CLTC: variants seen among roughly 807,000 people sequenced by gnomAD.
CLTC encodes clathrin heavy chain 1.
CLTC carries 16 observed loss-of-function variants against 195.8 expected under a neutral mutation model. The ratio of observed to expected loss-of-function variants is 0.08; its 90% CI spans 0.06 to 0.12. The LOEUF is 0.12. CLTC is among the 10% of genes least tolerant of loss of function. The probability of loss-of-function intolerance (pLI) is 1.00; values close to 1 mark genes in which losing one functional copy is unlikely to be tolerated. For missense variants in CLTC, 796 were observed against 2,027.0 expected, an observed-to-expected ratio of 0.39 and a Z score of 11.66; for synonymous variants, 667 against 689.4, an observed-to-expected ratio of 0.97 and a Z score of 0.51.
At chr17:59,690,504 G>T (rs1205449519) in intron 30 of CLTC, 132 bp from the exon 31 acceptor site, 1 of 603,580 alleles carries the variant, frequency 1.7e-6, no homozygotes. Context: ...ATTTGAGGGG[G>T]ACTGAGAATG....
intron 8 of CLTC, 132 bp downstream of exon 8, chr17:59,661,775 A>C (rs1323468088): frequency 5.3e-6 from 4 of 750,272 alleles, no homozygotes; most frequent in African/African-American, 1.8e-5. Flanking sequence ...CACACATTGC[A>C]TAAGATGGAT....
intron 2 of CLTC, 143 bp from the exon 3 acceptor site, chr17:59,647,255 C>G (rs753236685): frequency 6.2e-6 from 4 of 649,792 alleles, no homozygotes; most frequent in Non-Finnish European, 1.0e-5. Flanking sequence ...TAGCTGTTAC[C>G]TCTTTAATGG....
chr17:59,667,447 T>G (rs2032756627), intron 13 of CLTC, among the ~76,000 whole-genome samples: 1 of 152,186 alleles, frequency 6.6e-6, no homozygotes, highest in Admixed American at 6.5e-5. Context: ...ACGTCTGGTC[T>G]CAAGTATTTT....
chr17:59,655,747 C>T (rs894104146), intron 5 of CLTC, 107 bp from the exon 6 acceptor site: 1 of 869,250 alleles, frequency 1.2e-6, no homozygotes, highest in Middle Eastern at 3.4e-4. Flanking sequence ...TCAAATAACC[C>T]TCTTGTTCTG....
chr17:59,629,021 C>G (rs1015510807), intron 1 of CLTC, among the ~76,000 whole-genome samples: 1 of 151,986 alleles, frequency 6.6e-6, no homozygotes, highest in African/African-American at 2.4e-5. Context: ...AAAAAACCAC[C>G]AAAGTGGACA....
chr17:59,674,145 G>C (rs1371159997), intron 15 of CLTC, among the ~76,000 whole-genome samples: 1 of 151,460 alleles, frequency 6.6e-6, no homozygotes, highest in African/African-American at 2.4e-5. Context: ...CTCAGGGAAG[G>C]GGGAAAAAAA....
chr17:59,625,908 A>G (rs926457168), intron 1 of CLTC, among the ~76,000 whole-genome samples: 2 of 152,194 alleles, frequency 1.3e-5, no homozygotes, highest in African/African-American at 4.8e-5. Context: ...CTTATCTCAC[A>G]AAGTTATTAT....
intron 16 of CLTC, 36 bp from the exon 17 acceptor site, chr17:59,676,914 TACAG>T (rs2032978734): frequency 7.2e-7 from 1 of 1,391,370 alleles, no homozygotes; most frequent in Non-Finnish European, 1.0e-6. Context: ...TTATTTATAA[TACAG>T]TATGTGTGTG....
intron 13 of CLTC, among the ~76,000 whole-genome samples, chr17:59,667,953 A>G (rs967816219): frequency 3.3e-5 from 5 of 152,196 alleles, no homozygotes; most frequent in South Asian, 2.1e-4. Context: ...CCCAGTTTCA[A>G]AATGTTAACT....
chr17:59,673,118 G>GT (rs1022698318), intron 14 of CLTC, among the ~76,000 whole-genome samples: 1 of 151,630 alleles, frequency 6.6e-6, no homozygotes, highest in African/African-American at 2.4e-5. Context: ...TTTGTAGGGG[G>GT]TGGGTTTTCT....
intron 16 of CLTC, 115 bp downstream of exon 16, chr17:59,674,958 G>T (rs1404562781): frequency 3.8e-6 from 4 of 1,046,632 alleles, no homozygotes; most frequent in African/African-American, 1.6e-5. Context: ...ATAATTTCCT[G>T]AAGACACCTA....
chr17:59,664,035 A>C, intron 9 of CLTC, 41 bp downstream of exon 9: 1 of 1,551,014 alleles, frequency 6.4e-7, no homozygotes, highest in Admixed American at 1.8e-5. Flanking sequence ...AATTCATTGA[A>C]GCATTGACAG....
intron 1 of CLTC, among the ~76,000 whole-genome samples, chr17:59,622,299 T>G (rs2031405022): frequency 6.6e-6 from 1 of 152,236 alleles, no homozygotes; most frequent in Admixed American, 6.5e-5. Context: ...TCCAGTTGAT[T>G]AATTGTGGAG....
intron 8 of CLTC, 32 bp from the exon 9 acceptor site, chr17:59,663,810 A>T: frequency 6.3e-7 from 1 of 1,596,308 alleles, no homozygotes; most frequent in Non-Finnish European, 8.5e-7. Flanking sequence ...CAGTTCATGG[A>T]TCACTAAACA....
At chr17:59,628,823 G>A (rs745533804) in intron 1 of CLTC, among the ~76,000 whole-genome samples, 49 of 151,940 alleles carry the variant, frequency 3.2e-4, no homozygotes, top group South Asian at 8.3e-4. Flanking sequence ...CAGGCCTGGC[G>A]AATTTTTTTT....
At chr17:59,677,560 T>C (rs776379343) in intron 17 of CLTC, among the ~76,000 whole-genome samples, 4 of 152,212 alleles carry the variant, frequency 2.6e-5, no homozygotes, top group Non-Finnish European at 4.4e-5. Flanking sequence ...AGAATAAGGA[T>C]GTTCTCTTTC....
Position 59,690,741 on chromosome 17 carries a change from C to T in CLTC, c.4903+30C>T, listed in dbSNP as rs775241248. On this transcript the variant is annotated intron_variant, in intron 31 of 31. Coordinates refer to ENST00000269122, the MANE Select transcript of CLTC (RefSeq NM_004859.4). The stretch of plus-strand genomic sequence containing the variant: ...TCTCTCTCTGTAACCTCAAAAAATT[C>T]ATTAGACAAATATTTAATTACTTAG... 1.5e-5 allele frequency: 22 copies of T among 1,505,676 alleles called. No homozygotes were observed. The South Asian group carries it at 2.2e-4, about 15-fold the overall frequency. The allele number at this position is 1,505,676 out of a possible 1,614,324, so 93.3% of individuals were successfully genotyped here.
chr17:59,657,054 C>G (rs1224554320), intron 6 of CLTC, among the ~76,000 whole-genome samples: 4 of 152,168 alleles, frequency 2.6e-5, no homozygotes, highest in Non-Finnish European at 5.9e-5. Flanking sequence ...AATACTGTTA[C>G]TGGTCTTGCC....
At chr17:59,680,854 TA>T (rs1420263082) in intron 18 of CLTC, 57 bp from the exon 19 acceptor site, 99 of 1,434,480 alleles carry the variant, frequency 6.9e-5, no homozygotes, top group Non-Finnish European at 9.1e-5. Flanking sequence ...GAGGCCAACT[TA>T]CGCTTTTTTA....
Sources: allele counts gnomAD v4.1 joint callset (sites outside exome capture counted in the v4.1 genomes callset), GRCh38; gene constraint gnomAD v4.1.1; transcripts MANE v1.5; gene names NCBI Gene and HGNC (gene_info 2026-07-23, HGNC 2026-07-21).